KIF26B: variants seen among roughly 807,000 people sequenced by gnomAD.
KIF26B encodes the protein kinesin family member 26B, also known as kinesin-like protein KIF26B.
Under a neutral mutation model 151.2 loss-of-function variants are expected in KIF26B, and 63 were observed. The ratio of observed to expected loss-of-function variants is 0.42; its 90% CI spans 0.34 to 0.51. KIF26B has a LOEUF of 0.51. KIF26B is among the 20% of genes least tolerant of loss of function. KIF26B has a pLI of 0.07. For missense variants in KIF26B, 2,813 were observed against 2,913.6 expected, an observed-to-expected ratio of 0.97 and a Z score of 0.79; for synonymous variants, 1,357 against 1,262.1, an observed-to-expected ratio of 1.08 and a Z score of -1.59.
intron 4 of KIF26B, among the ~76,000 whole-genome samples, chr1:245,489,631 T>C (rs1660354176): frequency 6.6e-6 from 1 of 152,244 alleles, no homozygotes; most frequent in Admixed American, 6.5e-5. Context: ...TGATTTATTT[T>C]TAATTTCTGA....
chr1:245,317,950 C>T (rs1297721052), intron 2 of KIF26B, among the ~76,000 whole-genome samples: 2 of 152,162 alleles, frequency 1.3e-5, no homozygotes, highest in Non-Finnish European at 2.9e-5. Context: ...ATATGGGGCA[C>T]GCATGGGGAT....
rs2042978216 is a variant in KIF26B, at chr1:245,563,722, A to G, written c.1350+22772A>G. Among the ~76,000 whole-genome samples the G allele has an allele frequency of 6.9e-6, 1 of 145,438 alleles. No homozygotes were observed. The highest frequency in any genetic ancestry group is 7.2e-5 in the Admixed American group (1 of 13,976). On this transcript the variant is annotated intron_variant, in intron 5 of 14. Coordinates refer to ENST00000407071, the MANE Select transcript of KIF26B (RefSeq NM_018012.4). The surrounding 1 kb of genome is among the most constrained non-coding windows in gnomAD (Gnocchi z 4.6). ...GATTATAATACTGTGTTTTTACTAC[A>G]CCTTTTCTATGTTTAGGTATGTTGT...
chr1:245,621,204 C>A (rs1475364179), intron 9 of KIF26B, among the ~76,000 whole-genome samples: 5 of 152,140 alleles, frequency 3.3e-5, no homozygotes, highest in Non-Finnish European at 2.9e-5. Flanking sequence ...GGAGGAACTA[C>A]GACGGTGCGG....
rs148918838 is a variant in KIF26B, at chr1:245,648,415, G to A, written c.2258+2135G>A. On this transcript the variant is annotated intron_variant, in intron 10 of 14. Transcript: ENST00000407071. The stretch of plus-strand genomic sequence containing the variant: ...TATATTCCTGGCACTTTGGGAGGCT[G>A]AGGCGGGAGGATTGCTTGAGACCAG... 5.9e-3 allele frequency among the ~76,000 whole-genome samples: 892 copies of A among 152,226 alleles called. 9 individuals are homozygous for A. Among genetic ancestry groups the A allele is most frequent in the African/African-American group, 0.02 (851 of 41,516 alleles).
In KIF26B at chr1:245,667,220, G is replaced by A. The variant is rs2044227343; in HGVS notation, c.2259-17013G>A. ...TTCTTTTTTTGAAACACTCTGCCCA[G>A]GCTGGAGTGCAGTGGCACGATCTCG... On this transcript the variant is annotated intron_variant, in intron 10 of 14. Transcript: ENST00000407071. This position sits in a 1 kb window ranked among gnomAD's most constrained non-coding sequence, Gnocchi z 4.3. 6.6e-6 allele frequency among the ~76,000 whole-genome samples: 1 copy of A among 152,186 alleles called. No individual in the cohort carries two copies. Among genetic ancestry groups the A allele is most frequent in the African/African-American group, 2.4e-5 (1 of 41,444 alleles).
rs1180207047 is a variant in KIF26B, at chr1:245,685,582, T to C, written c.2599T>C (p.Tyr867His). ...SSEQSCDTVI[Y>H]IGPNGTALSD... ...CGAGCAGTCCTGCGACACCGTCATC[T>C]ACATCGGGCCCAACGGCACGGCCCT... Residue 867 changes from tyrosine to histidine, a missense_variant, in exon 12 of 15, where the codon TAC becomes CAC. Physicochemically the swap from Tyr to His is moderately conservative, Grantham distance 83 (BLOSUM62 2). Coordinates refer to ENST00000407071, the MANE Select transcript of KIF26B (RefSeq NM_018012.4). The C allele has an allele frequency of 6.2e-7, 1 of 1,613,872 alleles. No homozygotes were observed. Among genetic ancestry groups the C allele is most frequent in the Admixed American group, 1.7e-5 (1 of 60,028 alleles).
intron 12 of KIF26B, among the ~76,000 whole-genome samples, chr1:245,692,597 G>A (rs1048163700): frequency 9.9e-5 from 15 of 152,134 alleles, no homozygotes; most frequent in Admixed American, 4.6e-4. Context: ...AGAGCAAGAC[G>A]CTAGCAAACG....
intron 2 of KIF26B, among the ~76,000 whole-genome samples, chr1:245,211,514 C>T (rs750260062): frequency 3.3e-5 from 5 of 152,120 alleles, no homozygotes; most frequent in Non-Finnish European, 7.3e-5. Flanking sequence ...CCTCCTGCCT[C>T]AGCCTCTCAA....
chr1:245,395,720 A>T (rs1284019560), intron 3 of KIF26B, among the ~76,000 whole-genome samples: 2 of 151,968 alleles, frequency 1.3e-5, no homozygotes, highest in Admixed American at 6.6e-5. Flanking sequence ...AATCTGATAT[A>T]CCCCCCAAAG....
chr1:245,386,029 T>A (rs1379276274), intron 3 of KIF26B, among the ~76,000 whole-genome samples: 1 of 151,992 alleles, frequency 6.6e-6, no homozygotes, highest in East Asian at 1.9e-4. Context: ...CCATCTGAGG[T>A]CAGGAGTTCA....
intron 4 of KIF26B, among the ~76,000 whole-genome samples, chr1:245,435,538 A>G (rs911173786): frequency 5.3e-5 from 8 of 152,194 alleles, no homozygotes; most frequent in Non-Finnish European, 1.0e-4. Context: ...AGCTTATTCC[A>G]TCATTGCTTC....
At chr1:245,428,989 T>TGGGGGGGGGGGGGGGGGGGGG (rs1558162150) in intron 4 of KIF26B, among the ~76,000 whole-genome samples, 2 of 81,792 alleles carry the variant, frequency 2.4e-5, no homozygotes, top group African/African-American at 4.5e-5. Flanking sequence ...GGGGCGGGGG[T>TGGGGGGGGGGGGGGGGGGGGG]GGGGGGCAGT....
intron 5 of KIF26B, among the ~76,000 whole-genome samples, chr1:245,579,581 G>A (rs563663445): frequency 6.6e-5 from 10 of 152,078 alleles, no homozygotes; most frequent in Non-Finnish European, 1.3e-4. Context: ...AGGCTGAGGC[G>A]GGTGGATCAC....
At chr1:245,285,554 G>A (rs1671150473) in intron 2 of KIF26B, among the ~76,000 whole-genome samples, 1 of 151,620 alleles carries the variant, frequency 6.6e-6, no homozygotes, top group Admixed American at 6.6e-5. Context: ...CATTTCCTGA[G>A]GGTTTGATTT....
intron 9 of KIF26B, among the ~76,000 whole-genome samples, chr1:245,613,326 G>A (rs2043548437): frequency 6.6e-6 from 1 of 152,232 alleles, no homozygotes; most frequent in African/African-American, 2.4e-5. Context: ...AGTAGGACCA[G>A]GCGTGGTGGC....
chr1:245,690,354 G>A (rs1017574402), intron 12 of KIF26B, among the ~76,000 whole-genome samples: 9 of 152,138 alleles, frequency 5.9e-5, no homozygotes, highest in African/African-American at 1.7e-4. Flanking sequence ...GCAGGGATCC[G>A]TGCCCGCAGC....
intron 9 of KIF26B, among the ~76,000 whole-genome samples, chr1:245,629,968 C>T (rs759233195): frequency 2.6e-5 from 4 of 152,060 alleles, no homozygotes; most frequent in African/African-American, 7.2e-5. Flanking sequence ...ATGTGGCCAA[C>T]AAACATGAAA....
intron 2 of KIF26B, among the ~76,000 whole-genome samples, chr1:245,359,088 G>A (rs144629065): frequency 0.013 from 1,975 of 151,768 alleles, 46 homozygotes; most frequent in African/African-American, 0.046. Flanking sequence ...GCGCAGTCTC[G>A]GCTCACTGCA....
chr1:245,261,526 T>C (rs1670645116), intron 2 of KIF26B, among the ~76,000 whole-genome samples: 2 of 122,984 alleles, frequency 1.6e-5, no homozygotes, highest in African/African-American at 6.0e-5. Flanking sequence ...CCTCCCTCTC[T>C]CTCCCTCTCT....
Sources: allele counts gnomAD v4.1 joint callset (sites outside exome capture counted in the v4.1 genomes callset), GRCh38; gene constraint gnomAD v4.1.1; non-coding constraint Gnocchi (gnomAD v3.1); transcripts MANE v1.5; gene names NCBI Gene and HGNC (gene_info 2026-07-23, HGNC 2026-07-21).